The following DNAJC1 variants were observed in gnomAD, a reference collection of about 807,000 sequenced individuals.
The protein encoded by DNAJC1 is DnaJ heat shock protein family (Hsp40) member C1, also known as dnaJ homolog subfamily C member 1.
Under a neutral mutation model 76.6 loss-of-function variants are expected in DNAJC1, and 58 were observed. The observed-to-expected ratio is 0.76, with a 90% CI of 0.61 to 0.94. The LOEUF (loss-of-function observed/expected upper bound fraction) is 0.94. Ranked by LOEUF, DNAJC1 falls within the 40% of genes least tolerant of loss-of-function variation. The pLI is 0.00. For missense variants in DNAJC1, 689 were observed against 677.3 expected (o/e 1.02, Z -0.19); for synonymous variants, 258 against 267.9 (o/e 0.96, Z 0.36).
intron 9 of DNAJC1, among the ~76,000 whole-genome samples, chr10:21,796,739 C>G (rs979142322): frequency 6.6e-6 from 1 of 152,106 alleles, no homozygotes; most frequent in Non-Finnish European, 1.5e-5. Flanking sequence ...TTGGCCATTT[C>G]TATGTCATCT....
intron 8 of DNAJC1, among the ~76,000 whole-genome samples, chr10:21,813,142 G>A (rs570332627): frequency 4.3e-5 from 2 of 46,730 alleles, no homozygotes; most frequent in African/African-American, 1.7e-4. Flanking sequence ...CTCTTTCTTG[G>A]GTTACTTGTC....
intron 1 of DNAJC1, among the ~76,000 whole-genome samples, chr10:21,984,368 T>C (rs540269981): frequency 4.7e-4 from 72 of 152,320 alleles, no homozygotes; most frequent in African/African-American, 1.7e-3. Flanking sequence ...GCCACTACTA[T>C]GTCTCTCCTC....
In DNAJC1 at chr10:21,913,264, T is replaced by C. The variant is rs1296173652; in HGVS notation, c.729+5515A>G. On this transcript the variant is annotated intron_variant, in intron 6 of 11. Transcript: ENST00000376980. Reference sequence around the variant, plus strand: ...TTTTATAAATTATGCTACCGAGAAATGTAATATATGAGTCAGAGAGAAACT... The same window carrying C: ...TTTTATAAATTATGCTACCGAGAAACGTAATATATGAGTCAGAGAGAAACT... Among the ~76,000 whole-genome samples the C allele has an allele frequency of 3.3e-5, 5 of 150,064 alleles. No homozygotes were observed. The East Asian group carries it at 5.8e-4, about 18-fold the overall frequency.
chr10:21,827,796 T>G (rs2131665011), intron 8 of DNAJC1, among the ~76,000 whole-genome samples: 1 of 152,372 alleles, frequency 6.6e-6, no homozygotes, highest in Admixed American at 6.5e-5. Context: ...TGGGATACTA[T>G]TCAACCCACT....
chr10:21,844,267 A>AT (rs150747458), intron 8 of DNAJC1, among the ~76,000 whole-genome samples: 117 of 146,940 alleles, frequency 8.0e-4, no homozygotes, highest in East Asian at 5.8e-3. Context: ...CACCTGGCTA[A>AT]TTTTTTTTTT....
At chr10:21,944,196 A>G (rs1447241744) in intron 1 of DNAJC1, among the ~76,000 whole-genome samples, 3 of 151,132 alleles carry the variant, frequency 2.0e-5, no homozygotes, top group Non-Finnish European at 2.9e-5. Context: ...ATTATCCTCC[A>G]ATTTTAATAA....
At chr10:21,903,652 GAACAGTCT>G (rs1298868772) in intron 7 of DNAJC1, among the ~76,000 whole-genome samples, 1 of 152,090 alleles carries the variant, frequency 6.6e-6, no homozygotes, top group African/African-American at 2.4e-5. Context: ...ACACAGAGAT[GAACAGTCT>G]CTGTTCTAAA....
chr10:21,888,300 G>T (rs1439028185), intron 7 of DNAJC1, among the ~76,000 whole-genome samples: 2 of 152,162 alleles, frequency 1.3e-5, no homozygotes, highest in Admixed American at 6.5e-5. Context: ...GTGAAAATTA[G>T]TTCAACCATT....
chr10:21,811,003 A>G (rs1419652252), intron 8 of DNAJC1, among the ~76,000 whole-genome samples: 1 of 152,250 alleles, frequency 6.6e-6, no homozygotes, highest in Non-Finnish European at 1.5e-5. Flanking sequence ...GGGGTACTTT[A>G]AACAGCCTCA....
chr10:21,826,155 T>G (rs1329144005), intron 8 of DNAJC1, among the ~76,000 whole-genome samples: 1 of 142,632 alleles, frequency 7.0e-6, no homozygotes, highest in Non-Finnish European at 1.5e-5. Context: ...GGAGAATGGC[T>G]TGAACCTGGG....
intron 7 of DNAJC1, among the ~76,000 whole-genome samples, 199 bp from the exon 8 acceptor site, chr10:21,882,638 G>C (rs1244450670): frequency 6.6e-6 from 1 of 152,150 alleles, no homozygotes; most frequent in Non-Finnish European, 1.5e-5. Flanking sequence ...CTATTGTGGA[G>C]ATGATCATGA....
chr10:21,756,774 A>G lies in DNAJC1; in HGVS notation c.1597-19T>C. The G allele has an allele frequency of 1.2e-6, 2 of 1,610,716 alleles. No homozygotes were observed. The highest frequency in any genetic ancestry group is 8.5e-7 in the Non-Finnish European group (1 of 1,179,512). On this transcript the variant is annotated intron_variant, in intron 11 of 11. Coordinates refer to ENST00000376980, the MANE Select transcript of DNAJC1 (RefSeq NM_022365.4). The stretch of plus-strand genomic sequence containing the variant: ...AGTCTTCCTGTAGGAAGAAAAAAAG[A>G]GAGGTGAGAACAGTCACTTGCACAA...
chr10:21,908,265 A>G (rs1836791539), intron 6 of DNAJC1, among the ~76,000 whole-genome samples: 1 of 115,952 alleles, frequency 8.6e-6, no homozygotes, highest in Non-Finnish European at 1.7e-5. Context: ...ATATATATAT[A>G]TATTTTATAT....
chr10:21,843,305 A>G (rs886634031), intron 8 of DNAJC1, among the ~76,000 whole-genome samples: 1 of 152,056 alleles, frequency 6.6e-6, no homozygotes. Flanking sequence ...TAAAGAGCTA[A>G]TTTTTAAATT....
intron 9 of DNAJC1, among the ~76,000 whole-genome samples, chr10:21,793,209 G>A (rs1182260203): frequency 6.6e-6 from 1 of 152,128 alleles, no homozygotes; most frequent in Non-Finnish European, 1.5e-5. Context: ...GGGAAGCTGA[G>A]GCAGGAGAAT....
chr10:21,984,854 G>C (rs893616936), intron 1 of DNAJC1, among the ~76,000 whole-genome samples: 2 of 152,158 alleles, frequency 1.3e-5, no homozygotes, highest in Admixed American at 6.5e-5. Context: ...AGATGCAACA[G>C]TAGAAATAAC....
At chr10:21,955,777 A>G (rs906701587) in intron 1 of DNAJC1, among the ~76,000 whole-genome samples, 1 of 152,178 alleles carries the variant, frequency 6.6e-6, no homozygotes, top group African/African-American at 2.4e-5. Context: ...TAGCATCTCC[A>G]TATGCTTACG....
chr10:21,857,184 T>C (rs1835848308), intron 8 of DNAJC1, among the ~76,000 whole-genome samples: 1 of 152,190 alleles, frequency 6.6e-6, no homozygotes, highest in Non-Finnish European at 1.5e-5. Context: ...TTAATTTTGG[T>C]TTGGGGGCCA....
intron 1 of DNAJC1, among the ~76,000 whole-genome samples, chr10:21,997,404 A>C (rs1301505329): frequency 6.6e-6 from 1 of 152,176 alleles, no homozygotes; most frequent in Non-Finnish European, 1.5e-5. Flanking sequence ...AGACTTTGAG[A>C]CAGTATGCTC....
Sources: allele counts gnomAD v4.1 joint callset (sites outside exome capture counted in the v4.1 genomes callset), GRCh38; gene constraint gnomAD v4.1.1; transcripts MANE v1.5; gene names NCBI Gene and HGNC (gene_info 2026-07-23, HGNC 2026-07-21).